The following RPTOR variants were observed in gnomAD, a reference collection of about 807,000 sequenced individuals.
The protein encoded by RPTOR is regulatory-associated protein of mTOR.
In RPTOR, 21 loss-of-function variants were observed where a neutral mutation model predicts 169.9. The ratio of observed to expected loss-of-function variants is 0.12; its 90% CI spans 0.09 to 0.18. The LOEUF (loss-of-function observed/expected upper bound fraction) is 0.18, where lower values mean the gene tolerates loss of function less well. Among genes scored for constraint, RPTOR ranks in the 10% least tolerant of loss-of-function variants. The probability of loss-of-function intolerance (pLI) is 1.00; values close to 1 mark genes in which losing one functional copy is unlikely to be tolerated. For missense variants in RPTOR, 1,133 were observed against 1,855.9 expected, an observed-to-expected ratio of 0.61 and a Z score of 7.16; for synonymous variants, 732 against 753.2, an observed-to-expected ratio of 0.97 and a Z score of 0.46.
intron 1 of RPTOR, among the ~76,000 whole-genome samples, chr17:80,621,527 CG>C (rs1477935265): frequency 6.6e-6 from 1 of 152,166 alleles, no homozygotes; most frequent in Non-Finnish European, 1.5e-5. Flanking sequence ...ACCCAGCAGC[CG>C]CAGAGCCTCT....
At chr17:80,670,293 C>T (rs12103620) in intron 3 of RPTOR, among the ~76,000 whole-genome samples, 2,020 of 152,290 alleles carry the variant, frequency 0.013, 59 homozygotes, top group African/African-American at 0.046. Flanking sequence ...AGGTCCTACC[C>T]GTCCCTTGTC....
In RPTOR at chr17:80,896,007, A is replaced by G. The variant is rs533134027; in HGVS notation, c.2401+2142A>G. 8.9e-4 allele frequency among the ~76,000 whole-genome samples: 136 copies of G among 152,300 alleles called. 1 individual carries two copies. Among genetic ancestry groups the G allele is most frequent in the Middle Eastern group, 3.4e-3 (1 of 294 alleles). On this transcript the variant is annotated intron_variant, in intron 20 of 33. Transcript: ENST00000306801. ...GACTTTTTATGATGCCTTTGGTGCC[A>G]CACAAGCTTAATCTTTTAGTTTCTC... is the stretch of plus-strand genomic sequence containing the variant.
chr17:80,729,124 T>G, intron 4 of RPTOR, among the ~76,000 whole-genome samples: 1 of 152,236 alleles, frequency 6.6e-6, no homozygotes, highest in South Asian at 2.1e-4. Flanking sequence ...TTTGTCTGCT[T>G]CTTTGCTGTG....
intron 20 of RPTOR, among the ~76,000 whole-genome samples, chr17:80,900,435 G>C (rs7221866): frequency 0.72 from 109,068 of 151,650 alleles, 39,760 homozygotes; most frequent in Admixed American, 0.78. Flanking sequence ...TCCTGCCTCA[G>C]CCTCCCAAGT....
intron 6 of RPTOR, among the ~76,000 whole-genome samples, chr17:80,779,348 G>A (rs993963014): frequency 2.6e-5 from 4 of 152,226 alleles, no homozygotes. Context: ...AGGTCAACAG[G>A]CAACTGTTTT....
chr17:80,708,156 C>T lies in RPTOR; in HGVS notation c.507+157C>T, dbSNP rs1174429831. On this transcript the variant is annotated intron_variant, in intron 4 of 33. Coordinates refer to ENST00000306801, the MANE Select transcript of RPTOR (RefSeq NM_020761.3). The surrounding 1 kb of genome is among the most constrained non-coding windows in gnomAD (Gnocchi z 4.2). The stretch of plus-strand genomic sequence containing the variant: ...GCCATAACTGAACGGACCAGGTAGT[C>T]AGGCACAAGGAGGGGCTGTTTCTGT... Among the ~76,000 whole-genome samples the T allele has an allele frequency of 6.6e-6, 1 of 152,196 alleles. No individual in the cohort carries two copies. The highest frequency in any genetic ancestry group is 1.5e-5 in the Non-Finnish European group (1 of 68,042).
chr17:80,923,933 T>A (rs72859699), intron 23 of RPTOR: 175,119 of 498,320 alleles, frequency 0.35, 31,655 homozygotes, highest in East Asian at 0.51. Context: ...GGAGCACTGC[T>A]GGGTGTGTCC....
chr17:80,781,642 C>T (rs775128720), intron 6 of RPTOR, among the ~76,000 whole-genome samples: 4 of 152,214 alleles, frequency 2.6e-5, no homozygotes, highest in East Asian at 1.9e-4. Flanking sequence ...AGTAAAACCT[C>T]GCCTGAGATA....
chr17:80,605,423 A>C (rs2065221544), intron 1 of RPTOR, among the ~76,000 whole-genome samples: 1 of 152,200 alleles, frequency 6.6e-6, no homozygotes, highest in Admixed American at 6.5e-5. Flanking sequence ...CGTGAGAGTC[A>C]GTGAAAATGC....
chr17:80,678,939 T>C (rs1442243403), intron 3 of RPTOR, among the ~76,000 whole-genome samples: 2 of 152,150 alleles, frequency 1.3e-5, no homozygotes, highest in Non-Finnish European at 2.9e-5. Context: ...GTGGGGGCGA[T>C]GTTTGTGTTT....
chr17:80,735,893 C>T (rs759588948), intron 5 of RPTOR, among the ~76,000 whole-genome samples: 31 of 152,074 alleles, frequency 2.0e-4, no homozygotes, highest in Non-Finnish European at 4.0e-4. Flanking sequence ...TCAGCCCTGG[C>T]CGGTGCGGTG....
intron 4 of RPTOR, among the ~76,000 whole-genome samples, chr17:80,716,187 G>A (rs2066237956): frequency 6.6e-6 from 1 of 152,166 alleles, no homozygotes; most frequent in African/African-American, 2.4e-5. Context: ...CCCACCAGCG[G>A]TGTAGAAGTG....
chr17:80,653,117 G>T (rs2065653716), intron 3 of RPTOR, among the ~76,000 whole-genome samples: 1 of 152,164 alleles, frequency 6.6e-6, no homozygotes, highest in African/African-American at 2.4e-5. Context: ...GTTCAAAATG[G>T]AGACTTTTAA....
At chr17:80,897,643 G>T (rs531205687) in intron 20 of RPTOR, among the ~76,000 whole-genome samples, 36 of 152,328 alleles carry the variant, frequency 2.4e-4, no homozygotes, top group African/African-American at 8.7e-4. Flanking sequence ...ATTTCTTTGG[G>T]CGCTCCCCAT....
In RPTOR at chr17:80,957,535, C is replaced by A; in HGVS notation, c.3371-89C>A. On this transcript the variant is annotated intron_variant, in intron 28 of 33. Coordinates refer to ENST00000306801, the MANE Select transcript of RPTOR (RefSeq NM_020761.3). The surrounding 1 kb of genome is among the most constrained non-coding windows in gnomAD (Gnocchi z 4.6). ...TGGTGGCAGGGGTACCTTGTAGCTGCTGGCCAAATTGCTGCCCAGAGCAGG... is the reference window on the plus strand; with the variant it reads ...TGGTGGCAGGGGTACCTTGTAGCTGATGGCCAAATTGCTGCCCAGAGCAGG... 2 of 1,232,090 alleles carry A rather than the reference C, an allele frequency of 1.6e-6. No individual in the cohort carries two copies. Among genetic ancestry groups the A allele is most frequent in the Non-Finnish European group, 2.4e-6 (2 of 836,148 alleles). 76.3% of individuals were successfully genotyped at this position (1,232,090 alleles called of 1,614,324 possible). A position where few individuals can be genotyped will look rare whatever the true frequency, so the allele number is the denominator to read the frequency against.
At chr17:80,766,634 A>G (rs953371548) in intron 6 of RPTOR, among the ~76,000 whole-genome samples, 9 of 152,194 alleles carry the variant, frequency 5.9e-5, no homozygotes, top group African/African-American at 2.2e-4. Flanking sequence ...AATGCTTGCA[A>G]AGGTCCACCT....
intron 3 of RPTOR, among the ~76,000 whole-genome samples, chr17:80,700,472 GTGGTGA>G (rs1567864269): frequency 2.3e-4 from 33 of 145,834 alleles, no homozygotes; most frequent in Non-Finnish European, 4.2e-4. Flanking sequence ...GGTGGTGGTG[GTGGTGA>G]TGATGGTGGT....
intron 9 of RPTOR, among the ~76,000 whole-genome samples, chr17:80,825,797 T>C (rs2067435764): frequency 1.3e-5 from 2 of 152,166 alleles, no homozygotes; most frequent in East Asian, 1.9e-4. Context: ...TGTGCGCCTT[T>C]AGTGATCCAG....
Position 80,961,634 on chromosome 17 carries a change from G to A in RPTOR, c.3692+154G>A, listed in dbSNP as rs113945356. 8,404 of 886,526 alleles carry A rather than the reference G, an allele frequency of 9.5e-3. 412 individuals are homozygous for A. In the African/African-American group the frequency reaches 0.11, roughly 12 times the overall value. The allele number at this position is 886,526 out of a possible 1,614,324, so 54.9% of individuals were successfully genotyped here. On this transcript the variant is annotated intron_variant, in intron 31 of 33. Transcript: ENST00000306801. Reference sequence around the variant, plus strand: ...CTGGAACTGGCCAGAAAGATCAGGCGCAGCCCGTAGGGGCCCAGGGGCCAC... The same window carrying A: ...CTGGAACTGGCCAGAAAGATCAGGCACAGCCCGTAGGGGCCCAGGGGCCAC...
Sources: gnomAD v4.1 joint callset for allele counts (sites outside exome capture counted in the v4.1 genomes callset) on GRCh38, gnomAD v4.1.1 for gene constraint, Gnocchi (gnomAD v3.1) non-coding constraint, MANE v1.5 for transcripts, NCBI Gene and HGNC (gene_info 2026-07-23, HGNC 2026-07-21) for gene names.